The following COPE variants were observed in gnomAD, a reference collection of about 807,000 sequenced individuals.
COPE encodes coat protein complex I subunit epsilon.
In COPE, 19 loss-of-function variants were observed where a neutral mutation model predicts 42.1. That is an observed-to-expected ratio of 0.45 (90% CI 0.31 to 0.66). The LOEUF (loss-of-function observed/expected upper bound fraction) is 0.66. Ranked by LOEUF, COPE falls within the 30% of genes least tolerant of loss-of-function variation. COPE has a pLI of 0.05. For missense variants in COPE, 402 were observed against 416.1 expected (o/e 0.97, Z 0.30); for synonymous variants, 195 against 181.3 (o/e 1.08, Z -0.60).
chr19:18,919,172 A>G, intron 1 of COPE, 51 bp downstream of exon 1: 1 of 1,565,778 alleles, frequency 6.4e-7, no homozygotes, highest in Non-Finnish European at 8.7e-7. Context: ...GCCACCAGAA[A>G]GCGTCCTCCG....
intron 3 of COPE, 118 bp downstream of exon 3, chr19:18,910,853 C>T (rs1223626615): frequency 1.2e-6 from 1 of 822,022 alleles, no homozygotes. Flanking sequence ...AGGGGAGAGG[C>T]GCCTAATCTG....
At chr19:18,906,084 A>G in intron 4 of COPE, 1 of 400,984 alleles carries the variant, frequency 2.5e-6, no homozygotes, top group Non-Finnish European at 4.4e-6. Flanking sequence ...GGCTGTGACC[A>G]CGAATTACTC....
chr19:18,905,285 T>C (rs2056748102), intron 5 of COPE, among the ~76,000 whole-genome samples: 1 of 152,042 alleles, frequency 6.6e-6, no homozygotes, highest in Admixed American at 6.6e-5. Flanking sequence ...GCTGGTCAAG[T>C]AACATGTTGC....
At chr19:18,916,478 A>G (rs532389880) in intron 1 of COPE, among the ~76,000 whole-genome samples, 2 of 151,796 alleles carry the variant, frequency 1.3e-5, no homozygotes, top group South Asian at 4.2e-4. Flanking sequence ...ACATGATAAA[A>G]CCCTGTCTCT....
At chr19:18,903,619 GCCT>G (rs1376748725) in intron 6 of COPE, among the ~76,000 whole-genome samples, 196 bp from the exon 7 acceptor site, 1 of 152,170 alleles carries the variant, frequency 6.6e-6, no homozygotes, top group African/African-American at 2.4e-5. Context: ...ACTCGTGGCC[GCCT>G]CCTGCCCCAC....
intron 7 of COPE, among the ~76,000 whole-genome samples, chr19:18,902,830 A>C (rs555069949): frequency 7.1e-5 from 10 of 140,490 alleles, no homozygotes; most frequent in African/African-American, 2.4e-4. Flanking sequence ...GGAAGGAAGA[A>C]AAGACTGCAG....
rs531145216 is a variant in COPE, at chr19:18,913,154, C to T, written c.127-108G>A. On this transcript the variant is annotated intron_variant, in intron 1 of 9. Coordinates refer to ENST00000262812, the MANE Select transcript of COPE (RefSeq NM_007263.4). ...GTACACTGGGGACAGGTGGCTTCTC[C>T]GGCAGGGTTGGAGGTCTGAGTCCCA... 272 of 990,032 alleles carry T rather than the reference C, an allele frequency of 2.7e-4. 1 individual carries two copies. In the African/African-American group the frequency reaches 3.9e-3, roughly 14 times the overall value. 61.3% of individuals were successfully genotyped at this position (990,032 alleles called of 1,614,324 possible).
Position 18,909,387 on chromosome 19 carries a change from G to C in COPE, c.290+1584C>G, listed in dbSNP as rs556473382. Among the ~76,000 whole-genome samples, 27 of 152,348 alleles carry C rather than the reference G, an allele frequency of 1.8e-4. 1 individual carries two copies. The highest frequency in any genetic ancestry group is 5.8e-4 in the African/African-American group (24 of 41,578). ...GGCGGCAGGGCTGGCTCCAGCTGGA[G>C]GCTGGAGGGCAAGGCCGTCCCAGGC... On this transcript the variant is annotated intron_variant, in intron 3 of 9. Transcript: ENST00000262812.
intron 1 of COPE, among the ~76,000 whole-genome samples, chr19:18,916,497 T>C (rs2056855015): frequency 6.6e-6 from 1 of 151,014 alleles, no homozygotes; most frequent in Non-Finnish European, 1.5e-5. Flanking sequence ...CTACTAAAAA[T>C]ACAAAAATTA....
At chr19:18,903,723 A>C (rs1042359979) in intron 6 of COPE, among the ~76,000 whole-genome samples, 1 of 152,196 alleles carries the variant, frequency 6.6e-6, no homozygotes, top group African/African-American at 2.4e-5. Flanking sequence ...TCAGGGTCTG[A>C]GTGGGGACCA....
chr19:18,915,016 G>A (rs1052876817), intron 1 of COPE, among the ~76,000 whole-genome samples: 10 of 151,950 alleles, frequency 6.6e-5, no homozygotes, highest in Admixed American at 2.6e-4. Flanking sequence ...ATGAGCCACC[G>A]TGCCCGGTCT....
chr19:18,917,907 G>T, intron 1 of COPE, among the ~76,000 whole-genome samples: 1 of 151,966 alleles, frequency 6.6e-6, no homozygotes, highest in South Asian at 2.1e-4. Context: ...AGATGTATGG[G>T]AGGCTGGGCA....
Position 18,899,737 on chromosome 19 carries a change from A to G in COPE, c.880-11T>C. The G allele has an allele frequency of 4.3e-6, 7 of 1,613,704 alleles. No homozygotes were observed. Among genetic ancestry groups the G allele is most frequent in the Non-Finnish European group, 5.9e-6 (7 of 1,179,938 alleles). ...GTCAAAGTCGTTCTCCTTTAGCAAG[A>G]CACATGGCAACACAGGGTGGGGGCA... On this transcript the variant is annotated splice_polypyrimidine_tract_variant and intron_variant, in intron 9 of 9. Transcript: ENST00000262812.
rs918138071 is a variant in COPE, at chr19:18,900,374, C to T, written c.804+7G>A. 12 of 1,546,048 alleles carry T rather than the reference C, an allele frequency of 7.8e-6. No individual in the cohort carries two copies. The highest frequency in any genetic ancestry group is 4.1e-5 in the African/African-American group (3 of 72,846). On this transcript the variant is annotated splice_region_variant and intron_variant, in intron 8 of 9. Coordinates refer to ENST00000262812, the MANE Select transcript of COPE (RefSeq NM_007263.4). The stretch of plus-strand genomic sequence containing the variant: ...AGGGTTGGCCTGGAGCCCTGGGGGC[C>T]GCTTACCTCAGGGGGCTTGCCCAGG...
At position 18,903,377 on chromosome 19, in the gene COPE, G is replaced by A; in HGVS notation, c.626C>T (p.Ala209Val). 1 of 1,613,310 alleles carries A rather than the reference G, an allele frequency of 6.2e-7. No homozygotes were observed. Among genetic ancestry groups the A allele is most frequent in the Non-Finnish European group, 8.5e-7 (1 of 1,179,662 alleles). ...QDAYYIFQEM[A>V]DKCSPTLLLL... ...CAGCAGGGTGGGCGAGCACTTGTCAGCCATCTCCTGGAAGATGTAGTAGGC... is the reference window on the plus strand; with the variant it reads ...CAGCAGGGTGGGCGAGCACTTGTCAACCATCTCCTGGAAGATGTAGTAGGC... Residue 209 changes from alanine to valine, a missense_variant, in exon 7 of 10, where the codon GCT becomes GTT. Ala to Val is a moderately conservative substitution (Grantham distance 64). Coordinates refer to ENST00000262812, the MANE Select transcript of COPE (RefSeq NM_007263.4).
intron 1 of COPE, among the ~76,000 whole-genome samples, chr19:18,917,046 G>C (rs1191594647): frequency 6.6e-6 from 1 of 151,324 alleles, no homozygotes; most frequent in Admixed American, 6.6e-5. Context: ...TCCTTCCAAA[G>C]GCTCTAGGGG....
At chr19:18,900,312 C>CCTGGACCCCAGGCTGGGGTCCCAGGGT in intron 8 of COPE, 69 bp downstream of exon 8, 1 of 1,315,552 alleles carries the variant, frequency 7.6e-7, no homozygotes, top group Non-Finnish European at 1.0e-6. Context: ...GGGATTAGGG[C>CCTGGACCCCAGGCTGGGGTCCCAGGGT]CTGGACCCCA....
chr19:18,912,644 C>G (rs994202754), intron 2 of COPE, among the ~76,000 whole-genome samples: 2 of 151,362 alleles, frequency 1.3e-5, no homozygotes, highest in African/African-American at 4.9e-5. Context: ...GTAGTCCCAG[C>G]TACTTGGGAG....
rs775998127 is a variant in COPE at position 18,899,634 on chromosome 19, T to C, written c.*45A>G. On this transcript the variant is annotated 3_prime_UTR_variant, in exon 10 of 10. Coordinates refer to ENST00000262812, the MANE Select transcript of COPE (RefSeq NM_007263.4). The stretch of plus-strand genomic sequence containing the variant: ...TGGGGAGGGCTGCAGGGCTGGCTCC[T>C]GGCCTCTGTCCTGGCTTCATGGTCC... The C allele has an allele frequency of 1.5e-5, 24 of 1,611,422 alleles. No homozygotes were observed. In the East Asian group the frequency reaches 5.1e-4, roughly 34 times the overall value.
Sources: gnomAD v4.1 joint callset for allele counts (sites outside exome capture counted in the v4.1 genomes callset) on GRCh38, gnomAD v4.1.1 for gene constraint, MANE v1.5 for transcripts, NCBI Gene and HGNC (gene_info 2026-07-23, HGNC 2026-07-21) for gene names.